ZC3H18: variants seen among roughly 807,000 people sequenced by gnomAD.
The protein encoded by ZC3H18 is zinc finger CCCH-type containing 18.
A neutral mutation model predicts 106.1 loss-of-function variants in ZC3H18; 8 were observed. The ratio of observed to expected loss-of-function variants is 0.08; its 90% CI spans 0.04 to 0.14. The LOEUF (loss-of-function observed/expected upper bound fraction) is 0.14, where lower values mean the gene tolerates loss of function less well. ZC3H18 is among the 10% of genes least tolerant of loss of function. The pLI, the probability that ZC3H18 is intolerant of heterozygous loss-of-function variation, is 1.00. For synonymous variants in ZC3H18, 635 were observed against 522.1 expected, an observed-to-expected ratio of 1.22 and a Z score of -2.95; for missense variants, 1,318 against 1,278.4, an observed-to-expected ratio of 1.03 and a Z score of -0.47.
Position 88,599,877 on chromosome 16 carries a change from G to A in ZC3H18, c.1017G>A (p.Arg339=), listed in dbSNP as rs1179416133. 1 of 1,614,212 alleles carries A rather than the reference G, an allele frequency of 6.2e-7. No individual in the cohort carries two copies. Residue 339 remains arginine (R), a synonymous_variant, in exon 6 of 18, where the codon CGG becomes CGA. Coordinates refer to ENST00000301011, the MANE Select transcript of ZC3H18 (RefSeq NM_144604.4). The stretch of plus-strand genomic sequence containing the variant: ...CGGTGACCATTGGCGAAGACGAACG[G>A]GAATTTGACAAAGAAAATGAAGTTT... ...RFTVTIGEDE[R]EFDKENEVFR...
At chr16:88,618,585 C>T (rs1426039419) in intron 8 of ZC3H18, among the ~76,000 whole-genome samples, 3 of 152,308 alleles carry the variant, frequency 2.0e-5, no homozygotes, top group Admixed American at 1.3e-4. Flanking sequence ...CTGCTGGCAT[C>T]GGTGAGGCAT....
intron 16 of ZC3H18, chr16:88,630,006 C>T (rs1214653240): frequency 1.3e-5 from 2 of 154,464 alleles, no homozygotes; most frequent in Non-Finnish European, 2.9e-5. Flanking sequence ...GGGTTGGAAC[C>T]AGGGCCTCTG....
chr16:88,600,981 A>G (rs956937807), intron 6 of ZC3H18, among the ~76,000 whole-genome samples: 1 of 152,218 alleles, frequency 6.6e-6, no homozygotes, highest in Non-Finnish European at 1.5e-5. Context: ...TGGAGTGACA[A>G]TAAACGGTGC....
At chr16:88,572,946 CAG>C (rs1177102177) in intron 1 of ZC3H18, among the ~76,000 whole-genome samples, 7 of 151,982 alleles carry the variant, frequency 4.6e-5, no homozygotes, top group East Asian at 3.9e-4. Flanking sequence ...TTAGTAGAGA[CAG>C]GGGTTTCACT....
At chr16:88,572,101 T>A (rs1258236529) in intron 1 of ZC3H18, among the ~76,000 whole-genome samples, 1 of 152,242 alleles carries the variant, frequency 6.6e-6, no homozygotes. Context: ...CAGGTGAGAC[T>A]CTGACTTGCA....
At chr16:88,599,039 TCTAA>T (rs1220295220) in intron 5 of ZC3H18, among the ~76,000 whole-genome samples, 6 of 152,138 alleles carry the variant, frequency 3.9e-5, no homozygotes, top group Admixed American at 2.0e-4. Flanking sequence ...GAGAGTTATA[TCTAA>T]CTGTCTCAGG....
chr16:88,600,219 G>A (rs1034808451), intron 6 of ZC3H18, among the ~76,000 whole-genome samples: 5 of 152,170 alleles, frequency 3.3e-5, no homozygotes, highest in African/African-American at 4.8e-5. Flanking sequence ...GAGAGTTTTC[G>A]CTGCTGTCCT....
At chr16:88,623,429 T>A in intron 10 of ZC3H18, 85 bp downstream of exon 10, 1 of 1,543,700 alleles carries the variant, frequency 6.5e-7, no homozygotes, top group Non-Finnish European at 8.8e-7. Context: ...GTGGCGCCAG[T>A]AGCCCCTTGG....
chr16:88,581,325 C>T (rs959606265), intron 2 of ZC3H18, among the ~76,000 whole-genome samples: 1 of 152,196 alleles, frequency 6.6e-6, no homozygotes, highest in Non-Finnish European at 1.5e-5. Context: ...TTTCTCTTCT[C>T]TCAGGGCACA....
chr16:88,592,276 G>T (rs956811123), intron 3 of ZC3H18, among the ~76,000 whole-genome samples: 1 of 152,000 alleles, frequency 6.6e-6, no homozygotes, highest in African/African-American at 2.4e-5. Context: ...ATGGGTGGTG[G>T]GGTGTCTTTT....
intron 3 of ZC3H18, among the ~76,000 whole-genome samples, chr16:88,587,150 G>A (rs1016780490): frequency 3.9e-5 from 6 of 152,202 alleles, no homozygotes; most frequent in African/African-American, 1.2e-4. Context: ...AGAGATGGCC[G>A]CTGAAGGCAG....
intron 3 of ZC3H18, among the ~76,000 whole-genome samples, chr16:88,589,569 C>A (rs1271201834): frequency 6.6e-6 from 1 of 152,150 alleles, no homozygotes; most frequent in Non-Finnish European, 1.5e-5. Flanking sequence ...GCCACAGGTC[C>A]ACAGAGACAG....
intron 3 of ZC3H18, among the ~76,000 whole-genome samples, chr16:88,593,324 G>A (rs1028198512): frequency 6.6e-6 from 1 of 152,224 alleles, no homozygotes; most frequent in Admixed American, 6.5e-5. Flanking sequence ...CAAGAGGGCT[G>A]CTAAGTGACT....
intron 16 of ZC3H18, among the ~76,000 whole-genome samples, chr16:88,629,603 G>T (rs550253095): frequency 6.6e-6 from 1 of 152,166 alleles, no homozygotes; most frequent in South Asian, 2.1e-4. Context: ...CACATGCCTC[G>T]TGCCTTCTGG....
intron 2 of ZC3H18, 38 bp from the exon 3 acceptor site, chr16:88,586,562 A>G (rs1372156949): frequency 6.4e-7 from 1 of 1,560,810 alleles, no homozygotes; most frequent in Non-Finnish European, 8.8e-7. Flanking sequence ...TGATTGATAG[A>G]TGCCTCCCCC....
At chr16:88,629,235 G>A (rs1018279284) in intron 16 of ZC3H18, among the ~76,000 whole-genome samples, 2 of 152,196 alleles carry the variant, frequency 1.3e-5, no homozygotes, top group Non-Finnish European at 2.9e-5. Context: ...AGCACTTTGG[G>A]AGGCCAAGGT....
intron 8 of ZC3H18, 130 bp from the exon 9 acceptor site, chr16:88,622,067 C>T (rs981788620): frequency 1.2e-5 from 14 of 1,130,320 alleles, no homozygotes; most frequent in African/African-American, 3.1e-5. Flanking sequence ...CCCCTTAGGA[C>T]CCTTTGTTTC....
At chr16:88,591,585 A>AG (rs1276129547) in intron 3 of ZC3H18, among the ~76,000 whole-genome samples, 2 of 152,168 alleles carry the variant, frequency 1.3e-5, no homozygotes, top group Non-Finnish European at 2.9e-5. Flanking sequence ...AAAAAAAAAA[A>AG]AAGATTGACC....
chr16:88,623,795 T>G (rs941390917), intron 10 of ZC3H18, 163 bp from the exon 11 acceptor site: 1 of 1,323,430 alleles, frequency 7.6e-7, no homozygotes, highest in Non-Finnish European at 1.0e-6. Flanking sequence ...TCTGGGCCTG[T>G]GTTTTTAGCA....
Sources: gnomAD v4.1 joint callset for allele counts (sites outside exome capture counted in the v4.1 genomes callset) on GRCh38, gnomAD v4.1.1 for gene constraint, MANE v1.5 for transcripts, NCBI Gene and HGNC (gene_info 2026-07-23, HGNC 2026-07-21) for gene names.